The following BAG6 variants were observed in gnomAD, a reference collection of about 807,000 sequenced individuals.
BAG6 encodes BAG cochaperone 6.
Under a neutral mutation model 121.0 loss-of-function variants are expected in BAG6, and 22 were observed. The observed-to-expected ratio is 0.18, with a 90% CI of 0.13 to 0.26. The LOEUF is 0.26. Ranked by LOEUF, BAG6 falls within the 10% of genes least tolerant of loss-of-function variation. BAG6 has a pLI of 1.00. For missense variants in BAG6, 1,233 were observed against 1,537.7 expected, an observed-to-expected ratio of 0.80 and a Z score of 3.31; for synonymous variants, 583 against 584.6, an observed-to-expected ratio of 1.00 and a Z score of 0.04.
chr6:31,639,658 G>A lies in BAG6; in HGVS notation c.3247-12C>T. The A allele has an allele frequency of 6.3e-7, 1 of 1,596,940 alleles. No homozygotes were observed. On this transcript the variant is annotated splice_polypyrimidine_tract_variant and intron_variant, in intron 24 of 25. Transcript: ENST00000676615. Reference sequence around the variant, plus strand: ...TCACCCTGCATCGTCTGGGGGACAGGGGGTTGGGAGGGAAAAGAGGATCAA... The same window carrying A: ...TCACCCTGCATCGTCTGGGGGACAGAGGGTTGGGAGGGAAAAGAGGATCAA...
chr6:31,650,462 G>GACCA (rs1302047613), intron 2 of BAG6, among the ~76,000 whole-genome samples: 3 of 152,278 alleles, frequency 2.0e-5, no homozygotes. Context: ...AGGAGTTCAA[G>GACCA]ACCAGCCTGG....
In BAG6 at chr6:31,641,692, G is replaced by A. The variant is rs1782974974; in HGVS notation, c.2505+84C>T. 3.1e-6 allele frequency: 5 copies of A among 1,610,822 alleles called. No homozygotes were observed. The highest frequency in any genetic ancestry group is 2.2e-5 in the South Asian group (2 of 91,008). ...CAGGGCTTGTGTGGGGGCAATTGGA[G>A]CTTTACCTGGCAGAGAAGCAGTCAG... is the stretch of plus-strand genomic sequence containing the variant. On this transcript the variant is annotated intron_variant, in intron 17 of 25. Transcript: ENST00000676615. The surrounding 1 kb of genome is among the most constrained non-coding windows in gnomAD (Gnocchi z 5.7).
Position 31,640,170 on chromosome 6 carries a change from A to G in BAG6, c.3246+29T>C. ...GCATGACGGGGAAACCTGGATAGAG[A>G]GAGAGGCTTAGGGAAGAGGAAAACC... On this transcript the variant is annotated intron_variant, in intron 24 of 25. Transcript: ENST00000676615. This position sits in a 1 kb window ranked among gnomAD's most constrained non-coding sequence, Gnocchi z 4.2. 6.2e-7 allele frequency: 1 copy of G among 1,602,244 alleles called. No homozygotes were observed. Among genetic ancestry groups the G allele is most frequent in the Non-Finnish European group, 8.5e-7 (1 of 1,169,824 alleles).
chr6:31,648,805 A>G, intron 5 of BAG6, 54 bp from the exon 6 acceptor site: 1 of 1,607,146 alleles, frequency 6.2e-7, no homozygotes, highest in Non-Finnish European at 8.5e-7. Flanking sequence ...CATGAGTTCT[A>G]CCACCTACTA....
At chr6:31,647,020 G>A (rs28732156) in intron 7 of BAG6, among the ~76,000 whole-genome samples, 3,746 of 151,924 alleles carry the variant, frequency 0.025, 69 homozygotes, top group South Asian at 0.055. Context: ...TGATCCACCC[G>A]CCTCGGCCTC....
chr6:31,652,306 C>T (rs1278369531), intron 1 of BAG6, 118 bp downstream of exon 1: 1 of 157,150 alleles, frequency 6.4e-6, no homozygotes, highest in African/African-American at 2.5e-5. Context: ...AACGGCACAA[C>T]TAACCCACAG....
In BAG6 at chr6:31,644,892, A is replaced by G. The variant is rs1583362997; in HGVS notation, c.1369+54T>C. 3 of 1,540,696 alleles carry G rather than the reference A, an allele frequency of 1.9e-6. No individual in the cohort carries two copies. Among genetic ancestry groups the G allele is most frequent in the Admixed American group, 2.0e-5 (1 of 50,950 alleles). ...CCACCCTGTTCCCTCACACCTCAGCATGAACCTCCCTCATCATGCTGATCC... is the reference window on the plus strand; with the variant it reads ...CCACCCTGTTCCCTCACACCTCAGCGTGAACCTCCCTCATCATGCTGATCC... On this transcript the variant is annotated intron_variant, in intron 10 of 25. Coordinates refer to ENST00000676615, the MANE Select transcript of BAG6 (RefSeq NM_001387994.1). The surrounding 1 kb of genome is among the most constrained non-coding windows in gnomAD (Gnocchi z 4.9).
In BAG6 at chr6:31,651,671, A is replaced by G. The variant is rs1428527622; in HGVS notation, c.93T>C (p.Phe31=). The stretch of plus-strand genomic sequence containing the variant: ...GGTGTCTCACCTGGGCCCCCACAAT[A>G]AAGGTACGAGTTTGAGAGTCCAAGG... The part of the protein sequence containing the change: ...VKTLDSQTRT[F]IVGAQMNVKE... Residue 31 remains phenylalanine, a synonymous_variant, in exon 2 of 26, where the codon TTT becomes TTC. Transcript: ENST00000676615. 3 of 1,612,950 alleles carry G rather than the reference A, an allele frequency of 1.9e-6. No homozygotes were observed. In the Admixed American group the frequency reaches 5.0e-5, roughly 27 times the overall value.
Position 31,642,403 on chromosome 6 carries a change from C to A in BAG6, c.2044G>T (p.Ala682Ser), listed in dbSNP as rs1783766721. 3 of 983,192 alleles carry A rather than the reference C, an allele frequency of 3.1e-6. No individual in the cohort carries two copies. Among genetic ancestry groups the A allele is most frequent in the Middle Eastern group, 3.2e-4 (1 of 3,156 alleles). The allele number at this position is 983,192 out of a possible 1,614,324, so 60.9% of individuals were successfully genotyped here. ...GGTGGTGGAGGGGCTGTCTGTGTTG[C>A]CTGGCAAATAAAGAAAGAACAAAGA... Reference protein sequence around the residue: ...FLQGMTDFLQATQTAPPPPPP... With the variant: ...FLQGMTDFLQSTQTAPPPPPP... Residue 682 changes from alanine to serine, a missense_variant and splice_region_variant, in exon 16 of 26, where the codon GCA becomes TCA. By Grantham distance (99) the Ala-to-Ser change is moderately conservative. Coordinates refer to ENST00000676615, the MANE Select transcript of BAG6 (RefSeq NM_001387994.1).
intron 2 of BAG6, among the ~76,000 whole-genome samples, chr6:31,651,267 G>A (rs112356116): frequency 0.018 from 2,778 of 152,314 alleles, 61 homozygotes; most frequent in African/African-American, 0.05. Context: ...GGCCAGGTGC[G>A]GTGGCTCATG....
At chr6:31,646,092 T>C (rs1156655006) in intron 8 of BAG6, among the ~76,000 whole-genome samples, 1 of 152,188 alleles carries the variant, frequency 6.6e-6, no homozygotes, top group Non-Finnish European at 1.5e-5. Flanking sequence ...TTCTAGCGAT[T>C]CTCCTGCCTC....
chr6:31,650,125 T>C (rs1175399166), intron 2 of BAG6, among the ~76,000 whole-genome samples: 1 of 150,778 alleles, frequency 6.6e-6, no homozygotes, highest in Non-Finnish European at 1.5e-5. Context: ...ATAAACTTAA[T>C]GAAGCTCAGG....
chr6:31,645,731 T>G, intron 8 of BAG6, 127 bp from the exon 9 acceptor site: 1 of 1,152,252 alleles, frequency 8.7e-7, no homozygotes, highest in Non-Finnish European at 1.3e-6. Context: ...TCCTTGGAAG[T>G]TTACATGTAG....
In BAG6 at chr6:31,639,466, A is replaced by G. The variant is rs549569159; in HGVS notation, c.3393+34T>C. 8 of 1,598,518 alleles carry G rather than the reference A, an allele frequency of 5.0e-6. No homozygotes were observed. The East Asian group carries it at 1.6e-4, about 31-fold the overall frequency. On this transcript the variant is annotated intron_variant, in intron 25 of 25. Coordinates refer to ENST00000676615, the MANE Select transcript of BAG6 (RefSeq NM_001387994.1). ...GAGGGACCCTAGCCCAACCCCTCCC[A>G]CTAGACCATCCCTATTCTGCTTCAA...
intron 16 of BAG6, 73 bp downstream of exon 16, chr6:31,642,039 C>T: frequency 6.3e-7 from 1 of 1,594,306 alleles, no homozygotes; most frequent in South Asian, 1.1e-5. Flanking sequence ...TTGGCAACAC[C>T]CCTAAACCAA....
chr6:31,651,588 C>T (rs1261657211), intron 2 of BAG6, 68 bp downstream of exon 2: 2 of 1,365,796 alleles, frequency 1.5e-6, no homozygotes, highest in Non-Finnish European at 2.1e-6. Context: ...TCAAGCTCAT[C>T]TCTCAGGCTA....
rs1159426518 is a variant in BAG6 at position 31,650,665 on chromosome 6, C to CA, written c.108+990dup. Among the ~76,000 whole-genome samples the CA allele has an allele frequency of 5.6e-3, 426 of 76,416 alleles. 1 individual carries two copies. Among genetic ancestry groups the CA allele is most frequent in the African/African-American group, 0.013 (270 of 20,414 alleles). 50.1% of individuals were successfully genotyped at this position (76,416 alleles called of 152,430 possible). A position where few individuals can be genotyped will look rare whatever the true frequency, so the allele number is the denominator to read the frequency against. ...GGGCAACAAGAGCAAAACTCCATCT[C>CA]AAAAAAAAAAAAAAAAGCAAAAAGA... On this transcript the variant is annotated intron_variant, in intron 2 of 25. Transcript: ENST00000676615.
Position 31,642,359 on chromosome 6 carries a change from T to C in BAG6, c.2088A>G (p.Pro696=). ...TGGTCTGCTGCTCTGGGGCAGGTGG[T>C]GGGGGTGGAGGAGGTGGGGGTGGTG... is the stretch of plus-strand genomic sequence containing the variant. ...APPPPPPPPP[P]PPAPEQQTMP... Residue 696 remains proline (P), a synonymous_variant, in exon 16 of 26, where the codon CCA becomes CCG. Transcript: ENST00000676615. The C allele has an allele frequency of 3.2e-6, 1 of 315,318 alleles. No individual in the cohort carries two copies. The highest frequency in any genetic ancestry group is 4.5e-6 in the Non-Finnish European group (1 of 222,866). 19.5% of individuals were successfully genotyped at this position (315,318 alleles called of 1,614,324 possible).
At position 31,640,656 on chromosome 6, in the gene BAG6, G is replaced by A. The variant is rs745570214; in HGVS notation, c.2983C>T (p.Pro995Ser). ...MEVQGAERAS[P>S]EPQRENASPA... ...CCTCTCTAGAGTACCTGAGGCTCAGGGGAAGCTCTTTCTGCTCCCTGAACT... is the reference window on the plus strand; with the variant it reads ...CCTCTCTAGAGTACCTGAGGCTCAGAGGAAGCTCTTTCTGCTCCCTGAACT... The change falls in exon 22 of 26, where the codon CCT becomes TCT. Residue 995 changes from proline to serine, a missense_variant. Pro to Ser is a moderately conservative substitution (Grantham distance 74). Around this residue, in one of 7 missense-constraint regions of BAG6, gnomAD observed 288 missense variants for 483.1 expected, o/e 0.60. Coordinates refer to ENST00000676615, the MANE Select transcript of BAG6 (RefSeq NM_001387994.1). The surrounding 1 kb of genome is among the most constrained non-coding windows in gnomAD (Gnocchi z 4.2). 6.2e-7 allele frequency: 1 copy of A among 1,612,976 alleles called. No individual in the cohort carries two copies. The highest frequency in any genetic ancestry group is 2.2e-5 in the East Asian group (1 of 44,886).
Sources: gnomAD v4.1 joint callset for allele counts (sites outside exome capture counted in the v4.1 genomes callset) on GRCh38, gnomAD v4.1.1 for gene constraint, gnomAD v4.1.1 regional missense constraint, Gnocchi (gnomAD v3.1) non-coding constraint, MANE v1.5 for transcripts, NCBI Gene and HGNC (gene_info 2026-07-23, HGNC 2026-07-21) for gene names.